ADARB2: variants seen among roughly 807,000 people sequenced by gnomAD.
The protein encoded by ADARB2 is inactive double-stranded RNA-specific editase B2.
ADARB2 carries 25 observed loss-of-function variants against 62.2 expected under a neutral mutation model. That is an observed-to-expected ratio of 0.40 (90% CI 0.29 to 0.56). The LOEUF (loss-of-function observed/expected upper bound fraction) is 0.56. ADARB2 is among the 20% of genes least tolerant of loss of function. ADARB2 has a pLI of 0.43. For synonymous variants in ADARB2, 572 were observed against 500.8 expected (o/e 1.14, Z -1.90); for missense variants, 1,071 against 1,077.4 (o/e 0.99, Z 0.08).
intron 1 of ADARB2, among the ~76,000 whole-genome samples, chr10:1,410,802 C>T (rs190680727): frequency 5.9e-5 from 9 of 152,314 alleles, no homozygotes; most frequent in Non-Finnish European, 8.8e-5. Context: ...CGTAAACAAG[C>T]GAACCTTCTT....
At chr10:1,196,690 A>G (rs1382864400) in intron 8 of ADARB2, among the ~76,000 whole-genome samples, 2 of 152,216 alleles carry the variant, frequency 1.3e-5, no homozygotes, top group Non-Finnish European at 2.9e-5. Context: ...ATCTATAAAA[A>G]TGTCTTATTA....
At chr10:1,547,885 A>G (rs1462931740) in intron 1 of ADARB2, among the ~76,000 whole-genome samples, 1 of 152,206 alleles carries the variant, frequency 6.6e-6, no homozygotes, top group East Asian at 1.9e-4. Context: ...CAGAGCCAAG[A>G]CTCAGGGCAG....
intron 6 of ADARB2, 58 bp downstream of exon 6, chr10:1,233,636 C>G (rs1165725287): frequency 3.2e-6 from 5 of 1,545,726 alleles, no homozygotes; most frequent in Non-Finnish European, 4.4e-6. Context: ...GGACAGAGTC[C>G]CAGATAGAGG....
intron 3 of ADARB2, among the ~76,000 whole-genome samples, chr10:1,348,326 G>A (rs1408264417): frequency 6.6e-6 from 1 of 152,222 alleles, no homozygotes; most frequent in Non-Finnish European, 1.5e-5. Context: ...AGTCTGGGAT[G>A]TGGGTTTCCT....
At chr10:1,254,865 C>A (rs149070009) in intron 4 of ADARB2, among the ~76,000 whole-genome samples, 46 of 152,362 alleles carry the variant, frequency 3.0e-4, no homozygotes, top group African/African-American at 1.0e-3. Context: ...TCCACAGATG[C>A]CATGGTCCCC....
At chr10:1,195,596 G>C (rs1836899028) in intron 8 of ADARB2, among the ~76,000 whole-genome samples, 1 of 152,036 alleles carries the variant, frequency 6.6e-6, no homozygotes, top group Admixed American at 6.6e-5. Flanking sequence ...AGCAATGAGG[G>C]ATGTCCATGG....
At chr10:1,200,457 A>G in intron 7 of ADARB2, 1 of 471,878 alleles carries the variant, frequency 2.1e-6, no homozygotes, top group South Asian at 4.8e-5. Context: ...TTAAAAAGAT[A>G]CTCTGTCCCA....
At chr10:1,339,322 C>T (rs1027509823) in intron 3 of ADARB2, among the ~76,000 whole-genome samples, 2 of 152,206 alleles carry the variant, frequency 1.3e-5, no homozygotes, top group African/African-American at 4.8e-5. Context: ...TTGCATTGAC[C>T]CGAAGTCTAC....
chr10:1,510,150 TTCTTTC>T (rs761459050), intron 1 of ADARB2, among the ~76,000 whole-genome samples: 17 of 143,394 alleles, frequency 1.2e-4, no homozygotes, highest in African/African-American at 3.7e-4. Flanking sequence ...CTTTCTTTCT[TTCTTTC>T]TTTCTTTCTT....
intron 6 of ADARB2, among the ~76,000 whole-genome samples, chr10:1,217,445 C>G (rs1830642710): frequency 6.6e-6 from 1 of 152,218 alleles, no homozygotes; most frequent in Non-Finnish European, 1.5e-5. Context: ...CAGTAAGGGG[C>G]CACCGCGTCC....
At chr10:1,282,805 A>T (rs1831381785) in intron 3 of ADARB2, among the ~76,000 whole-genome samples, 1 of 152,194 alleles carries the variant, frequency 6.6e-6, no homozygotes. Flanking sequence ...AGGATGGATA[A>T]ATGCATTCAG....
At chr10:1,680,960 T>A (rs552227464) in intron 1 of ADARB2, among the ~76,000 whole-genome samples, 1 of 152,214 alleles carries the variant, frequency 6.6e-6, no homozygotes, top group African/African-American at 2.4e-5. Context: ...AACTCCGTAG[T>A]AGAACACAGT....
intron 1 of ADARB2, among the ~76,000 whole-genome samples, chr10:1,581,909 T>C (rs1453278667): frequency 6.6e-6 from 1 of 151,660 alleles, no homozygotes; most frequent in Non-Finnish European, 1.5e-5. Flanking sequence ...CCACACATGC[T>C]AAGTACACAG....
At chr10:1,376,096 A>G (rs760642650) in intron 2 of ADARB2, among the ~76,000 whole-genome samples, 3 of 152,216 alleles carry the variant, frequency 2.0e-5, no homozygotes, top group Admixed American at 1.3e-4. Flanking sequence ...ACACACACAC[A>G]CACGCACATC....
chr10:1,283,797 A>G (rs1831389981), intron 3 of ADARB2, among the ~76,000 whole-genome samples: 1 of 152,202 alleles, frequency 6.6e-6, no homozygotes, highest in Non-Finnish European at 1.5e-5. Context: ...ACTTCTGGGT[A>G]GGGACTGGGA....
intron 7 of ADARB2, among the ~76,000 whole-genome samples, chr10:1,215,445 G>A (rs1837220864): frequency 6.6e-6 from 1 of 152,232 alleles, no homozygotes; most frequent in South Asian, 2.1e-4. Flanking sequence ...GATGCCCCGG[G>A]TCCTGCTCAG....
Position 1,182,982 on chromosome 10 carries a change from G to T in ADARB2, c.*211C>A, listed in dbSNP as rs551822712. 1.5e-5 allele frequency: 9 copies of T among 590,298 alleles called. No individual in the cohort carries two copies. The African/African-American group carries it at 1.7e-4, about 11-fold the overall frequency. The allele number at this position is 590,298 out of a possible 1,614,324, so 36.6% of individuals were successfully genotyped here. On this transcript the variant is annotated 3_prime_UTR_variant, in exon 10 of 10. Coordinates refer to ENST00000381312, the MANE Select transcript of ADARB2 (RefSeq NM_018702.4). The stretch of plus-strand genomic sequence containing the variant: ...AACTCAACAGTGCATGTGCCCCTGG[G>T]TGTGGGGGACAGGGTTCTGGGGCCA...
At chr10:1,629,625 C>T (rs986744627) in intron 1 of ADARB2, among the ~76,000 whole-genome samples, 3 of 147,790 alleles carry the variant, frequency 2.0e-5, no homozygotes, top group African/African-American at 5.0e-5. Flanking sequence ...CTGGGTCTGT[C>T]CCCATTGCCT....
intron 1 of ADARB2, among the ~76,000 whole-genome samples, chr10:1,381,078 A>G (rs796423466): frequency 3.7e-4 from 57 of 152,380 alleles, no homozygotes; most frequent in African/African-American, 1.3e-3. Flanking sequence ...CAGGACATCC[A>G]GTTAAAATTG....
Sources: allele counts gnomAD v4.1 joint callset (sites outside exome capture counted in the v4.1 genomes callset), GRCh38; gene constraint gnomAD v4.1.1; transcripts MANE v1.5; gene names NCBI Gene and HGNC (gene_info 2026-07-23, HGNC 2026-07-21).